Variants in FHIT observed in about 807,000 individuals in gnomAD.
FHIT encodes the protein fragile histidine triad diadenosine triphosphatase.
FHIT carries 19 observed loss-of-function variants against 17.9 expected under a neutral mutation model. That is an observed-to-expected ratio of 1.06 (90% confidence interval 0.74 to 1.56). FHIT has a LOEUF of 1.56. Ranked by LOEUF, FHIT falls within the 40% of genes most tolerant of loss-of-function variation. The pLI is 0.00. For missense variants in FHIT, 248 were observed against 189.2 expected (o/e 1.31, Z -1.82); for synonymous variants, 81 against 69.7 (o/e 1.16, Z -0.81).
At chr3:60,552,714 T>C (rs2036601773) in intron 4 of FHIT, among the ~76,000 whole-genome samples, 1 of 152,180 alleles carries the variant, frequency 6.6e-6, no homozygotes, top group Non-Finnish European at 1.5e-5. Flanking sequence ...CAGAGCTCTT[T>C]AGACATGTTA....
chr3:60,513,622 C>G (rs997683015), intron 5 of FHIT, among the ~76,000 whole-genome samples: 3 of 152,136 alleles, frequency 2.0e-5, no homozygotes, highest in Non-Finnish European at 4.4e-5. Context: ...AACAGAAAAC[C>G]AAACACCACA....
intron 4 of FHIT, among the ~76,000 whole-genome samples, chr3:60,631,171 C>A (rs1271291326): frequency 1.3e-5 from 2 of 152,036 alleles, no homozygotes; most frequent in African/African-American, 4.8e-5. Context: ...GGCGCCCCTC[C>A]TCCTCTGTAG....
At chr3:60,384,573 G>A (rs971494245) in intron 5 of FHIT, among the ~76,000 whole-genome samples, 5 of 152,012 alleles carry the variant, frequency 3.3e-5, no homozygotes, top group African/African-American at 1.2e-4. Flanking sequence ...TTGCTTTGTC[G>A]CTTTATTACC....
chr3:60,244,385 T>C lies in FHIT; in HGVS notation c.104-230233A>G, dbSNP rs142045908. On this transcript the variant is annotated intron_variant, in intron 5 of 9. Coordinates refer to ENST00000492590, the MANE Select transcript of FHIT (RefSeq NM_002012.4). ...ACTTTCTAAAAATAATTTCCCAGGA[T>C]CTATAATTTCTCAGAGCTGTAGTAA... is the stretch of plus-strand genomic sequence containing the variant. 3.0e-3 allele frequency among the ~76,000 whole-genome samples: 451 copies of C among 152,082 alleles called. 2 individuals are homozygous for C. Among genetic ancestry groups the C allele is most frequent in the African/African-American group, 0.01 (432 of 41,534 alleles).
chr3:59,857,819 G>A (rs910542948), intron 8 of FHIT, among the ~76,000 whole-genome samples: 1 of 151,132 alleles, frequency 6.6e-6, no homozygotes, highest in African/African-American at 2.4e-5. Flanking sequence ...CAGCGATACT[G>A]GGAACTGTGA....
chr3:60,013,562 A>G (rs547019302), intron 6 of FHIT, among the ~76,000 whole-genome samples: 2 of 152,300 alleles, frequency 1.3e-5, no homozygotes, highest in African/African-American at 4.8e-5. Flanking sequence ...GCTTCTAACT[A>G]ATCTGTGATC....
intron 4 of FHIT, among the ~76,000 whole-genome samples, chr3:60,701,680 G>A (rs933562717): frequency 1.3e-5 from 2 of 152,150 alleles, no homozygotes; most frequent in Admixed American, 1.3e-4. Context: ...CAATAGTGAT[G>A]TTTCCCTGTG....
intron 4 of FHIT, chr3:60,617,473 C>T (rs1576979830): frequency 6.4e-6 from 1 of 155,592 alleles, no homozygotes; most frequent in East Asian, 1.9e-4. Context: ...ACAATGATCC[C>T]ACAGATTTTG....
chr3:59,826,624 C>T (rs1433879158), intron 8 of FHIT, among the ~76,000 whole-genome samples: 1 of 152,256 alleles, frequency 6.6e-6, no homozygotes, highest in African/African-American at 2.4e-5. Flanking sequence ...CCTAACCTGG[C>T]ATTGTAGGAG....
At chr3:59,850,313 A>AAC (rs1403116795) in intron 8 of FHIT, among the ~76,000 whole-genome samples, 1 of 152,220 alleles carries the variant, frequency 6.6e-6, no homozygotes, top group Non-Finnish European at 1.5e-5. Flanking sequence ...CCTCTTTACC[A>AAC]ACATCTACTT....
intron 5 of FHIT, among the ~76,000 whole-genome samples, chr3:60,147,861 G>C (rs1209905268): frequency 6.6e-6 from 1 of 152,120 alleles, no homozygotes; most frequent in African/African-American, 2.4e-5. Flanking sequence ...GCCTATTTGT[G>C]CATTTCTTTC....
intron 3 of FHIT, among the ~76,000 whole-genome samples, chr3:61,024,702 C>A (rs2032640356): frequency 1.3e-5 from 2 of 151,994 alleles, no homozygotes; most frequent in South Asian, 4.2e-4. Context: ...ATGAAGCTAC[C>A]AAAATATTTC....
chr3:59,844,949 T>A (rs1198119578), intron 8 of FHIT, among the ~76,000 whole-genome samples: 4 of 152,154 alleles, frequency 2.6e-5, no homozygotes, highest in South Asian at 2.1e-4. Context: ...GCTAGGAGAT[T>A]ACTGATCACT....
intron 4 of FHIT, among the ~76,000 whole-genome samples, chr3:60,619,231 G>C (rs2039043376): frequency 6.6e-6 from 1 of 152,024 alleles, no homozygotes; most frequent in South Asian, 2.1e-4. Context: ...CACTGTCGTT[G>C]TTTACAATAA....
intron 4 of FHIT, among the ~76,000 whole-genome samples, chr3:60,715,955 C>A (rs959303472): frequency 6.6e-6 from 1 of 152,190 alleles, no homozygotes; most frequent in African/African-American, 2.4e-5. Flanking sequence ...GTTCTAGATT[C>A]AAAATGTGGC....
chr3:60,338,422 G>T (rs1710350718), intron 5 of FHIT, among the ~76,000 whole-genome samples: 1 of 152,112 alleles, frequency 6.6e-6, no homozygotes, highest in South Asian at 2.1e-4. Context: ...CTCGAGTGCA[G>T]CGGCATGATC....
intron 8 of FHIT, among the ~76,000 whole-genome samples, chr3:59,821,955 A>G (rs75726847): frequency 0.056 from 8,449 of 152,092 alleles, 330 homozygotes; most frequent in Non-Finnish European, 0.082. Flanking sequence ...ACCCCCACCA[A>G]TGCTTTCCCC....
intron 8 of FHIT, among the ~76,000 whole-genome samples, chr3:59,848,012 C>A (rs1335161839): frequency 6.6e-6 from 1 of 152,160 alleles, no homozygotes; most frequent in South Asian, 2.1e-4. Flanking sequence ...GAGGAAGGTA[C>A]AACAATAATG....
intron 1 of FHIT, among the ~76,000 whole-genome samples, chr3:61,249,990 A>AC (rs1560111601): frequency 1.8e-3 from 219 of 119,592 alleles, no homozygotes; most frequent in African/African-American, 2.8e-3. Flanking sequence ...ACACACACAC[A>AC]AACCCTAGAC....
Sources: gnomAD v4.1 joint callset for allele counts (sites outside exome capture counted in the v4.1 genomes callset) on GRCh38, gnomAD v4.1.1 for gene constraint, MANE v1.5 for transcripts, NCBI Gene and HGNC (gene_info 2026-07-23, HGNC 2026-07-21) for gene names.